Variants in ABCA2 observed in about 807,000 individuals in gnomAD.
ABCA2 encodes ATP-binding cassette sub-family A member 2.
In ABCA2, 84 loss-of-function variants were observed where a neutral mutation model predicts 262.8. The observed-to-expected ratio is 0.32, with a 90% CI of 0.27 to 0.38. The LOEUF (loss-of-function observed/expected upper bound fraction) is 0.38. Ranked by LOEUF, ABCA2 falls within the 10% of genes least tolerant of loss-of-function variation. The pLI is 1.00. For synonymous variants in ABCA2, 1,696 were observed against 1,502.9 expected (o/e 1.13, Z -2.97); for missense variants, 2,662 against 3,405.9 (o/e 0.78, Z 5.44).
chr9:137,008,503 G>A lies in ABCA2; in HGVS notation c.7188C>T (p.Ala2396=). 1.9e-6 allele frequency: 3 copies of A among 1,581,840 alleles called. No homozygotes were observed. Among genetic ancestry groups the A allele is most frequent in the Non-Finnish European group, 1.7e-6 (2 of 1,164,572 alleles). Residue 2396 remains alanine, a synonymous_variant, in exon 48 of 49, where the codon GCC becomes GCT. Transcript: ENST00000341511. The part of the protein sequence containing the change: ...CLLSLLRPRS[A]PTELRALVAD... ...CCACAAGTGCCCGGAGCTCCGTGGGGGCAGACCGGGGCCGGAGCAGGCTGA... is the reference window on the plus strand; with the variant it reads ...CCACAAGTGCCCGGAGCTCCGTGGGAGCAGACCGGGGCCGGAGCAGGCTGA...
Position 137,010,256 on chromosome 9 carries a change from G to C in ABCA2, c.6290C>G (p.Thr2097Ser). 6.2e-7 allele frequency: 1 copy of C among 1,602,320 alleles called. No individual in the cohort carries two copies. Among genetic ancestry groups the C allele is most frequent in the Non-Finnish European group, 8.5e-7 (1 of 1,175,632 alleles). The change falls in exon 41 of 49, where the codon ACC becomes AGC. Residue 2097 changes from threonine (T) to serine (S), a missense_variant. Thr to Ser is a moderately conservative substitution (Grantham distance 58, BLOSUM62 1). This residue lies in a region of ABCA2 where 602 missense variants were observed against 897.4 expected (regional missense o/e 0.67). Coordinates refer to ENST00000341511, the MANE Select transcript of ABCA2 (RefSeq NM_001606.5). ...LGVNGAGKTSTFKMLTGDEST... is the reference protein window; with the variant it reads ...LGVNGAGKTSSFKMLTGDEST... The stretch of plus-strand genomic sequence containing the variant: ...CTCGTCGCCGGTCAGCATCTTGAAG[G>C]TGCTGGTCTTGCCCGCACCGTTGAC...
Position 137,021,395 on chromosome 9 carries a change from C to T in ABCA2, c.894G>A (p.Gln298=). The change falls in exon 8 of 49, where the codon CAG becomes CAA. Residue 298 remains glutamine (Q), a synonymous_variant. Transcript: ENST00000341511. The surrounding 1 kb of genome is among the most constrained non-coding windows in gnomAD (Gnocchi z 6.0). ...CAGTGGGCAGGCAGGGCCTCACCTG[C>T]TGGGAGACCTTGGCCACGTCCAGCT... The part of the protein sequence containing the change: ...RNQLDVAKVS[Q]QLGLDAPNGS... 1 of 1,606,534 alleles carries T rather than the reference C, an allele frequency of 6.2e-7. No individual in the cohort carries two copies. The highest frequency in any genetic ancestry group is 1.1e-5 in the South Asian group (1 of 91,004).
At chr9:137,024,890 C>G (rs1402857291) in intron 1 of ABCA2, among the ~76,000 whole-genome samples, 1 of 152,098 alleles carries the variant, frequency 6.6e-6, no homozygotes, top group Admixed American at 6.5e-5. Flanking sequence ...GCTCCGTCCC[C>G]CAAGTTCACA....
intron 1 of ABCA2, among the ~76,000 whole-genome samples, 191 bp from the exon 2 acceptor site, chr9:137,024,427 G>A (rs1831582670): frequency 6.6e-6 from 1 of 152,216 alleles, no homozygotes; most frequent in Non-Finnish European, 1.5e-5. Context: ...GGATTGTCTG[G>A]CTCAGCAAAT....
Position 137,017,451 on chromosome 9 carries a change from T to C in ABCA2, c.2402+51A>G, listed in dbSNP as rs1401352507. 5 of 1,596,010 alleles carry C rather than the reference T, an allele frequency of 3.1e-6. No homozygotes were observed. The African/African-American group carries it at 5.4e-5, about 17-fold the overall frequency. On this transcript the variant is annotated intron_variant, in intron 17 of 48. Transcript: ENST00000341511. ...GGCTCTGAGAGGATGTGGGGTGAGC[T>C]TGCTGGGCAAGTGCCTGCCCCAGGT...
Position 137,007,843 on chromosome 9 carries a change from G to T in ABCA2, c.*86C>A, listed in dbSNP as rs568650824. On this transcript the variant is annotated 3_prime_UTR_variant, in exon 49 of 49. Transcript: ENST00000341511. Reference sequence around the variant, plus strand: ...TCCACTCCAGGCCCTGGCAGGCACTGGGGGACTTCTGTCCCCATTGTTGAG... The same window carrying T: ...TCCACTCCAGGCCCTGGCAGGCACTTGGGGACTTCTGTCCCCATTGTTGAG... 62 of 1,545,132 alleles carry T rather than the reference G, an allele frequency of 4.0e-5. No individual in the cohort carries two copies. In the African/African-American group the frequency reaches 8.3e-4, roughly 21 times the overall value.
Position 137,017,233 on chromosome 9 carries a change from G to T in ABCA2, c.2516C>A (p.Ala839Glu). ...YMYVAIREEV[A>E]HDKITAFEKC... is the part of the protein sequence containing the mutation. Reference sequence around the variant, plus strand: ...CTCGAAGGCCGTGATCTTATCATGCGCCACCTCCTCTCGGATCGCCACGTA... The same window carrying T: ...CTCGAAGGCCGTGATCTTATCATGCTCCACCTCCTCTCGGATCGCCACGTA... Residue 839 changes from alanine to glutamate, a missense_variant, in exon 18 of 49, where the codon GCG becomes GAG. Physicochemically the swap from Ala to Glu is moderately radical, Grantham distance 107 (BLOSUM62 -1). This residue lies in a region of ABCA2 where 188 missense variants were observed against 343.4 expected (regional missense o/e 0.55). Transcript: ENST00000341511. 6.2e-7 allele frequency: 1 copy of T among 1,612,590 alleles called. No homozygotes were observed. The highest frequency in any genetic ancestry group is 8.5e-7 in the Non-Finnish European group (1 of 1,179,902).
At position 137,016,841 on chromosome 9, in the gene ABCA2, G is replaced by A. The variant is rs1050386404; in HGVS notation, c.2758+79C>T. ...AGGGAGCCACCCGTGCTGCATCCAG[G>A]AGTGGACACAGACTGCTGGTCCCCA... is the stretch of plus-strand genomic sequence containing the variant. On this transcript the variant is annotated intron_variant, in intron 19 of 48. Transcript: ENST00000341511. 4.4e-6 allele frequency: 7 copies of A among 1,573,768 alleles called. No homozygotes were observed. The Admixed American group carries it at 5.1e-5, about 11-fold the overall frequency.
Position 137,008,767 on chromosome 9 carries a change from G to A in ABCA2, c.7032C>T (p.Ile2344=), listed in dbSNP as rs772926768. ...TGGTCTGGCTGACCGAGTAGTCCTC[G>A]ATGCCCAGCACGCCAGACACCTGCT... ...KMEQVSGVLG[I]EDYSVSQTTL... is the part of the protein sequence containing the mutation. Residue 2344 remains isoleucine (I), a synonymous_variant, in exon 47 of 49, where the codon ATC becomes ATT. Coordinates refer to ENST00000341511, the MANE Select transcript of ABCA2 (RefSeq NM_001606.5). The A allele has an allele frequency of 1.5e-5, 24 of 1,593,328 alleles. No individual in the cohort carries two copies. Among genetic ancestry groups the A allele is most frequent in the African/African-American group, 4.0e-5 (3 of 74,732 alleles).
At chr9:137,009,665 C>T (rs1830963538) in intron 43 of ABCA2, 21 bp from the exon 44 acceptor site, 1 of 1,612,550 alleles carries the variant, frequency 6.2e-7, no homozygotes, top group African/African-American at 1.3e-5. Context: ...GTGGCAGGCT[C>T]AGCTGCTGCC....
At chr9:137,008,320 G>A in intron 48 of ABCA2, 96 bp downstream of exon 48, 2 of 1,400,978 alleles carry the variant, frequency 1.4e-6, no homozygotes, top group Non-Finnish European at 2.0e-6. Context: ...GCATCCTGGG[G>A]CCAGTTCTCC....
intron 27 of ABCA2, 52 bp from the exon 28 acceptor site, chr9:137,014,090 A>G (rs771536301): frequency 6.9e-6 from 11 of 1,594,988 alleles, no homozygotes; most frequent in Non-Finnish European, 9.4e-6. Context: ...CCCTCTCCCT[A>G]CTGGCTGCCC....
rs1223159389 is a variant in ABCA2 at position 137,028,172 on chromosome 9, C to G, written c.-32G>C. On this transcript the variant is annotated 5_prime_UTR_variant, in exon 1 of 49. Transcript: ENST00000341511. This position sits in a 1 kb window ranked among gnomAD's most constrained non-coding sequence, Gnocchi z 6.9. The stretch of plus-strand genomic sequence containing the variant: ...GCCACGCTCCGCCGCCTCAGCGCCG[C>G]GGCCCGCTCCTCTGCGCGCCCCGCC... The G allele has an allele frequency of 8.2e-6, 8 of 980,936 alleles. No individual in the cohort carries two copies. The highest frequency in any genetic ancestry group is 9.7e-6 in the Non-Finnish European group (8 of 828,244). 60.8% of individuals were successfully genotyped at this position (980,936 alleles called of 1,614,324 possible).
chr9:137,013,676 G>T (rs1297504192), intron 28 of ABCA2, 113 bp from the exon 29 acceptor site: 3 of 1,353,802 alleles, frequency 2.2e-6, no homozygotes, highest in East Asian at 2.5e-5. Flanking sequence ...TCTGGGACCC[G>T]AGGAGACAGG....
At chr9:137,026,630 C>T (rs1831661783) in intron 1 of ABCA2, among the ~76,000 whole-genome samples, 1 of 152,188 alleles carries the variant, frequency 6.6e-6, no homozygotes, top group African/African-American at 2.4e-5. Context: ...GGGAGTCACT[C>T]TTGCGGTCAG....
In ABCA2 at chr9:137,018,222, G is replaced by A; in HGVS notation, c.1949C>T (p.Thr650Ile). The change falls in exon 14 of 49, where the codon ACT (threonine) becomes ATT (isoleucine). Residue 650 changes from threonine (T) to isoleucine (I), a missense_variant. Coordinates refer to ENST00000341511, the MANE Select transcript of ABCA2 (RefSeq NM_001606.5). ...GTAGAGGAAGTAGAAGCGGCCGCCA[G>A]TATTGGGCCCAGGCCGCCAGTAGGC... ...RRAYWRPGPN[T>I]GGRFYFLYGF... 1 of 1,611,478 alleles carries A rather than the reference G, an allele frequency of 6.2e-7. No individual in the cohort carries two copies. Among genetic ancestry groups the A allele is most frequent in the African/African-American group, 1.3e-5 (1 of 74,660 alleles).
intron 1 of ABCA2, among the ~76,000 whole-genome samples, chr9:137,025,864 G>A (rs769579267): frequency 2.0e-5 from 3 of 152,334 alleles, no homozygotes; most frequent in South Asian, 4.1e-4. Flanking sequence ...GGCGGCGGGC[G>A]CCACAGCAGC....
Position 137,028,016 on chromosome 9 carries a change from G to C in ABCA2, c.66+59C>G, listed in dbSNP as rs1831715894. 1 of 917,670 alleles carries C rather than the reference G, an allele frequency of 1.1e-6. No homozygotes were observed. Among genetic ancestry groups the C allele is most frequent in the South Asian group, 4.8e-5 (1 of 20,894 alleles). 56.8% of individuals were successfully genotyped at this position (917,670 alleles called of 1,614,324 possible). On this transcript the variant is annotated intron_variant, in intron 1 of 48. Transcript: ENST00000341511. This position sits in a 1 kb window ranked among gnomAD's most constrained non-coding sequence, Gnocchi z 6.9. ...GTCCGCACGTGCGCGCGGGGAGCGC[G>C]CCTCTGGCCGCGGTGCGCGCGGCCT...
Position 137,021,650 on chromosome 9 carries a change from C to A in ABCA2, c.679-40G>T. On this transcript the variant is annotated intron_variant, in intron 7 of 48. Transcript: ENST00000341511. This position sits in a 1 kb window ranked among gnomAD's most constrained non-coding sequence, Gnocchi z 6.0. ...GGGGTCCGTGGAGCCACGGCAAGGACTTTGTCCCCAACCACTAGGGCCTCA... is the reference window on the plus strand; with the variant it reads ...GGGGTCCGTGGAGCCACGGCAAGGAATTTGTCCCCAACCACTAGGGCCTCA... The A allele has an allele frequency of 6.5e-7, 1 of 1,532,938 alleles. No homozygotes were observed. Among genetic ancestry groups the A allele is most frequent in the Non-Finnish European group, 8.8e-7 (1 of 1,139,292 alleles). The allele number at this position is 1,532,938 out of a possible 1,614,324, so 95.0% of individuals were successfully genotyped here.
Sources: allele counts gnomAD v4.1 joint callset (sites outside exome capture counted in the v4.1 genomes callset), GRCh38; gene constraint gnomAD v4.1.1; regional missense constraint gnomAD v4.1.1; non-coding constraint Gnocchi (gnomAD v3.1); transcripts MANE v1.5; gene names NCBI Gene and HGNC (gene_info 2026-07-23, HGNC 2026-07-21).